The following ASIC2 variants were observed in gnomAD, a reference collection of about 807,000 sequenced individuals.
ASIC2 encodes acid sensing ion channel subunit 2.
A neutral mutation model predicts 57.3 loss-of-function variants in ASIC2; 25 were observed. The ratio of observed to expected loss-of-function variants is 0.44; its 90% CI spans 0.32 to 0.61. The LOEUF (loss-of-function observed/expected upper bound fraction) is 0.61, where lower values mean the gene tolerates loss of function less well. Among genes scored for constraint, ASIC2 ranks in the 20% least tolerant of loss-of-function variants. ASIC2 has a pLI of 0.06. For synonymous variants in ASIC2, 319 were observed against 307.5 expected (o/e 1.04, Z -0.39); for missense variants, 641 against 738.1 (o/e 0.87, Z 1.52).
upstream of ASIC2, among the ~76,000 whole-genome samples, chr17:33,294,744 A>G (rs1289695167): frequency 6.6e-6 from 1 of 152,148 alleles, no homozygotes; most frequent in Non-Finnish European, 1.5e-5. Context: ...ACACACATAC[A>G]TATACACAAC....
intron 1 of ASIC2, among the ~76,000 whole-genome samples, chr17:33,136,986 C>T (rs1172973527): frequency 6.6e-6 from 1 of 152,180 alleles, no homozygotes; most frequent in Non-Finnish European, 1.5e-5. Context: ...GTGTAATAAT[C>T]CTGTCTCTAT....
At chr17:33,596,046 C>CT (rs111882436) in intron 1 of ASIC2, among the ~76,000 whole-genome samples, 1,921 of 152,326 alleles carry the variant, frequency 0.013, 38 homozygotes, top group African/African-American at 0.044. Flanking sequence ...CTGCATTCCT[C>CT]TAATTGTTTT....
intron 1 of ASIC2, among the ~76,000 whole-genome samples, chr17:34,130,450 A>T (rs186968643): frequency 6.6e-6 from 1 of 152,348 alleles, no homozygotes; most frequent in Admixed American, 6.5e-5. Context: ...CAGAACCTAT[A>T]TCTAACTAGT....
At chr17:33,653,034 T>C (rs1906971000) in intron 1 of ASIC2, among the ~76,000 whole-genome samples, 1 of 152,208 alleles carries the variant, frequency 6.6e-6, no homozygotes, top group Non-Finnish European at 1.5e-5. Flanking sequence ...ATGCCTTAGC[T>C]ACATGTTCTA....
chr17:33,626,755 C>T (rs1326524504), intron 1 of ASIC2, among the ~76,000 whole-genome samples: 16 of 152,158 alleles, frequency 1.1e-4, no homozygotes, highest in Non-Finnish European at 2.4e-4. Flanking sequence ...ATGCCCCTTG[C>T]TCTCACTCCC....
intron 1 of ASIC2, among the ~76,000 whole-genome samples, chr17:33,234,901 G>T (rs2142112287): frequency 6.6e-6 from 1 of 152,348 alleles, no homozygotes; most frequent in African/African-American, 2.4e-5. Context: ...CAAACATTCA[G>T]ACCATAACAC....
chr17:33,284,251 T>C (rs936297146), intron 1 of ASIC2, among the ~76,000 whole-genome samples: 5 of 152,354 alleles, frequency 3.3e-5, no homozygotes, highest in African/African-American at 9.6e-5. Context: ...GTGAGTCATC[T>C]ATTTGTTAGC....
chr17:33,872,210 T>G (rs1054730483), intron 1 of ASIC2, among the ~76,000 whole-genome samples: 4 of 152,070 alleles, frequency 2.6e-5, no homozygotes, highest in Non-Finnish European at 5.9e-5. Flanking sequence ...CTGAGAATCT[T>G]GGAGCTGAGC....
intron 1 of ASIC2, among the ~76,000 whole-genome samples, chr17:33,952,315 T>A (rs1904603867): frequency 6.6e-6 from 1 of 152,164 alleles, no homozygotes; most frequent in African/African-American, 2.4e-5. Flanking sequence ...TCCATCTGGA[T>A]AATGGAGTGA....
intron 1 of ASIC2, chr17:33,291,168 G>T: frequency 2.6e-6 from 2 of 754,844 alleles, no homozygotes; most frequent in African/African-American, 3.6e-5. Context: ...ACACTGGAAG[G>T]AGGGGCTGGG....
At chr17:34,093,591 T>G (rs1488538663) in intron 1 of ASIC2, among the ~76,000 whole-genome samples, 11 of 152,224 alleles carry the variant, frequency 7.2e-5, no homozygotes, top group Admixed American at 6.5e-4. Context: ...TGATACACTT[T>G]GAATATTTGT....
intron 1 of ASIC2, among the ~76,000 whole-genome samples, chr17:33,613,531 A>G (rs1199360904): frequency 4.7e-5 from 7 of 149,044 alleles, no homozygotes; most frequent in African/African-American, 1.8e-4. Flanking sequence ...CGCCCAGCTA[A>G]TTTTTTGTGT....
At chr17:33,379,512 G>C (rs956427545) in intron 1 of ASIC2, among the ~76,000 whole-genome samples, 1 of 152,134 alleles carries the variant, frequency 6.6e-6, no homozygotes, top group Non-Finnish European at 1.5e-5. Context: ...GAGGATTCCC[G>C]TGGATGCCCC....
intron 1 of ASIC2, among the ~76,000 whole-genome samples, chr17:34,109,703 T>C (rs1216056568): frequency 1.3e-5 from 2 of 152,214 alleles, no homozygotes; most frequent in Admixed American, 6.5e-5. Flanking sequence ...CATCTTTTCA[T>C]GTGTATATTG....
intron 1 of ASIC2, among the ~76,000 whole-genome samples, chr17:33,751,199 A>T (rs1910419163): frequency 6.6e-6 from 1 of 152,204 alleles, no homozygotes; most frequent in African/African-American, 2.4e-5. Flanking sequence ...AGATGATTAC[A>T]GCCCTATCAT....
chr17:33,931,564 C>T (rs1043293394), intron 1 of ASIC2, among the ~76,000 whole-genome samples: 2 of 152,196 alleles, frequency 1.3e-5, no homozygotes, highest in Non-Finnish European at 2.9e-5. Context: ...TAGCTTGATG[C>T]AAAGGAGGGC....
intron 3 of ASIC2, among the ~76,000 whole-genome samples, chr17:33,083,912 G>A (rs1164447597): frequency 6.6e-6 from 1 of 152,126 alleles, no homozygotes; most frequent in Non-Finnish European, 1.5e-5. Context: ...GTTGAGGAAG[G>A]GGTACTACCA....
intron 2 of ASIC2, among the ~76,000 whole-genome samples, chr17:33,108,349 C>T (rs901819809): frequency 2.0e-5 from 3 of 152,210 alleles, no homozygotes; most frequent in Admixed American, 2.0e-4. Flanking sequence ...TGGGCCTGGC[C>T]TCCTTCCTCT....
At chr17:33,764,363 C>T (rs565460380) in intron 1 of ASIC2, among the ~76,000 whole-genome samples, 4 of 151,596 alleles carry the variant, frequency 2.6e-5, no homozygotes, top group Admixed American at 6.6e-5. Flanking sequence ...AATGTACTGT[C>T]CTGGAGCAGC....
Sources: allele counts gnomAD v4.1 joint callset (sites outside exome capture counted in the v4.1 genomes callset), GRCh38; gene constraint gnomAD v4.1.1; transcripts MANE v1.5; gene names NCBI Gene and HGNC (gene_info 2026-07-23, HGNC 2026-07-21).